Variants in PRDM11 observed in about 807,000 individuals in gnomAD.
The protein encoded by PRDM11 is PR/SET domain 11.
A neutral mutation model predicts 97.8 loss-of-function variants in PRDM11; 20 were observed. The observed-to-expected ratio is 0.20, with a 90% confidence interval of 0.14 to 0.30. The LOEUF is 0.30. PRDM11 is among the 10% of genes least tolerant of loss of function. The pLI, the probability that PRDM11 is intolerant of heterozygous loss-of-function variation, is 1.00. For missense variants in PRDM11, 1,139 were observed against 1,555.2 expected (o/e 0.73, Z 4.50); for synonymous variants, 599 against 637.7 (o/e 0.94, Z 0.91).
In PRDM11 at chr11:45,124,217, G is replaced by A. The variant is rs544994526; in HGVS notation, c.96+28316G>A. On this transcript the variant is annotated intron_variant, in intron 1 of 6. Coordinates refer to the PRDM11 transcript ENST00000530656. ...TTTTGTATCCTGAGACTTTGCTGAA[G>A]TTGCTTATCAGCTTGAGATTTTGGG... Among the ~76,000 whole-genome samples the A allele has an allele frequency of 2.4e-3, 367 of 152,240 alleles. 5 individuals carry two copies. The highest frequency in any genetic ancestry group is 8.5e-3 in the African/African-American group (351 of 41,506).
chr11:45,172,738 G>A (rs963474537), intron 1 of PRDM11, among the ~76,000 whole-genome samples: 6 of 152,202 alleles, frequency 3.9e-5, no homozygotes, highest in Non-Finnish European at 8.8e-5. Flanking sequence ...ATGATTTAAA[G>A]TATATGGGAG....
intron 1 of PRDM11, among the ~76,000 whole-genome samples, chr11:45,180,934 G>T (rs1362462419): frequency 6.6e-6 from 1 of 152,076 alleles, no homozygotes; most frequent in Non-Finnish European, 1.5e-5. Flanking sequence ...AGTCGCCGCC[G>T]CCGGCTTTGG....
intron 1 of PRDM11, among the ~76,000 whole-genome samples, chr11:45,099,648 C>T (rs914005099): frequency 3.9e-5 from 6 of 151,978 alleles, no homozygotes; most frequent in South Asian, 2.1e-4. Context: ...GCATGCAATG[C>T]GCCATAATCA....
chr11:45,212,782 C>T (rs1391479659), intron 5 of PRDM11: 1 of 456,308 alleles, frequency 2.2e-6, no homozygotes, highest in East Asian at 7.0e-5. Flanking sequence ...TGACCGTGCA[C>T]CGGGACATGG....
intron 1 of PRDM11, among the ~76,000 whole-genome samples, chr11:45,125,270 T>C (rs1852539443): frequency 6.6e-6 from 1 of 152,190 alleles, no homozygotes; most frequent in Admixed American, 6.5e-5. Context: ...ATCAATTTTG[T>C]TGATCTTTTC....
At chr11:45,128,787 C>T (rs1852648326) in intron 1 of PRDM11, among the ~76,000 whole-genome samples, 1 of 151,920 alleles carries the variant, frequency 6.6e-6, no homozygotes, top group Admixed American at 6.6e-5. Flanking sequence ...AAATAAAAAA[C>T]ACCTCCAAAC....
chr11:45,115,763 C>T (rs912745412), intron 1 of PRDM11, among the ~76,000 whole-genome samples: 2 of 151,834 alleles, frequency 1.3e-5, no homozygotes, highest in Non-Finnish European at 2.9e-5. Context: ...AACCCTGTCT[C>T]TACTAAAAAT....
upstream of PRDM11, among the ~76,000 whole-genome samples, chr11:45,143,011 G>C (rs888878790): frequency 6.6e-6 from 1 of 152,224 alleles, no homozygotes; most frequent in East Asian, 1.9e-4. Context: ...AGTGAAGGTG[G>C]AATTTGGCTC....
intron 6 of PRDM11, among the ~76,000 whole-genome samples, chr11:45,223,031 G>T (rs1207559221): frequency 6.6e-6 from 1 of 152,168 alleles, no homozygotes; most frequent in African/African-American, 2.4e-5. Context: ...AAAGAATCAG[G>T]CTAGCTGGGT....
intron 5 of PRDM11, among the ~76,000 whole-genome samples, chr11:45,211,023 G>T (rs1276491456): frequency 6.6e-6 from 1 of 152,168 alleles, no homozygotes. Flanking sequence ...ATCAGGCAGA[G>T]CCCGCTCACC....
intron 1 of PRDM11, among the ~76,000 whole-genome samples, chr11:45,136,781 G>A (rs1279068525): frequency 1.3e-5 from 2 of 152,088 alleles, no homozygotes; most frequent in African/African-American, 2.4e-5. Context: ...TTCCTAGAGC[G>A]ATGGTCATAG....
chr11:45,096,321 G>C (rs1851886551), intron 1 of PRDM11, among the ~76,000 whole-genome samples: 1 of 152,234 alleles, frequency 6.6e-6, no homozygotes, highest in Non-Finnish European at 1.5e-5. Context: ...GACATTTATT[G>C]AGCACCTATT....
Position 45,182,625 on chromosome 11 carries a change from A to G in PRDM11, c.224-236A>G, listed in dbSNP as rs548562358. On this transcript the variant is annotated intron_variant, in intron 3 of 7. Coordinates refer to ENST00000683152, the MANE Select transcript of PRDM11 (RefSeq NM_001384648.1). ...ACAGTTGCACTTGGACTCCAAAGCC[A>G]TGCTCTTTCTTCCAGTTTTTTAAAA... Among the ~76,000 whole-genome samples, 34 of 152,290 alleles carry G rather than the reference A, an allele frequency of 2.2e-4. 1 individual carries two copies. Among genetic ancestry groups the G allele is most frequent in the African/African-American group, 7.9e-4 (33 of 41,560 alleles).
rs961936106 is a variant in PRDM11 at position 45,207,554 on chromosome 11, C to T, written c.554+2776C>T. 8.5e-5 allele frequency among the ~76,000 whole-genome samples: 13 copies of T among 152,188 alleles called. No homozygotes were observed. In the East Asian group the frequency reaches 2.5e-3, roughly 29 times the overall value. ...TTCCCCCCAACGAAAAATTTTCTAG[C>T]CCCAACTGCCAATAGTGGCAAGATT... On this transcript the variant is annotated intron_variant, in intron 5 of 7. Transcript: ENST00000683152.
rs751163922 is a variant in PRDM11, at chr11:45,226,624, G to A, written c.1999G>A (p.Asp667Asn). 2.0e-5 allele frequency: 30 copies of A among 1,533,996 alleles called. No individual in the cohort carries two copies. The highest frequency in any genetic ancestry group is 3.6e-5 in the South Asian group (3 of 83,966). ...CLSVILDGQS[D>N]DLLADTVAVY... is the part of the protein sequence containing the mutation. ...CAGCGTCATCCTGGATGGGCAGAGC[G>A]ACGACCTGCTGGCCGACACGGTGGC... The change falls in exon 8 of 8, where the codon GAC becomes AAC. Residue 667 changes from aspartate (D) to asparagine (N), a missense_variant. By Grantham distance (23) the Asp-to-Asn change is conservative (BLOSUM62 1). Coordinates refer to ENST00000683152, the MANE Select transcript of PRDM11 (RefSeq NM_001384648.1).
At chr11:45,167,671 G>A (rs1214095884) in intron 1 of PRDM11, among the ~76,000 whole-genome samples, 1 of 152,022 alleles carries the variant, frequency 6.6e-6, no homozygotes, top group Non-Finnish European at 1.5e-5. Flanking sequence ...CAGAGTCAGA[G>A]GATAGTGAGG....
At chr11:45,152,958 A>G (rs907637836) in intron 1 of PRDM11, among the ~76,000 whole-genome samples, 2 of 152,246 alleles carry the variant, frequency 1.3e-5, no homozygotes, top group Non-Finnish European at 2.9e-5. Context: ...GATCAGATCC[A>G]TGTTCCGAAA....
chr11:45,119,488 G>C (rs1460224434), intron 1 of PRDM11, among the ~76,000 whole-genome samples: 2 of 151,992 alleles, frequency 1.3e-5, no homozygotes, highest in African/African-American at 4.8e-5. Context: ...AAATTAGCCA[G>C]GCGAGGTGGA....
In PRDM11 at chr11:45,170,789, A is replaced by C. The variant is rs546583239; in HGVS notation, c.-6-10972A>C. ...GGGGTAGAGTGGAAGGAGGGACACG[A>C]GTCAGGCTGTCTCTGAAGCCATTCC... On this transcript the variant is annotated intron_variant, in intron 1 of 7. Transcript: ENST00000683152. Among the ~76,000 whole-genome samples the C allele has an allele frequency of 6.5e-4, 99 of 152,230 alleles. 1 individual carries two copies. The highest frequency in any genetic ancestry group is 2.0e-3 in the African/African-American group (85 of 41,544).
Sources: allele counts gnomAD v4.1 joint callset (sites outside exome capture counted in the v4.1 genomes callset), GRCh38; gene constraint gnomAD v4.1.1; transcripts MANE v1.5; gene names NCBI Gene and HGNC (gene_info 2026-07-23, HGNC 2026-07-21).